The following MSH6 variants were observed in gnomAD, a reference collection of about 807,000 sequenced individuals.
The protein encoded by MSH6 is mutS homolog 6, also known as DNA mismatch repair protein Msh6.
MSH6 carries 85 observed loss-of-function variants against 119.1 expected under a neutral mutation model. That is an observed-to-expected ratio of 0.71 (90% CI 0.60 to 0.85). The LOEUF (loss-of-function observed/expected upper bound fraction) is 0.85, where lower values mean the gene tolerates loss of function less well. Among genes scored for constraint, MSH6 ranks in the 40% least tolerant of loss-of-function variants. The pLI is 0.00. For synonymous variants in MSH6, 830 were observed against 586.9 expected, an observed-to-expected ratio of 1.41 and a Z score of -5.99; for missense variants, 2,163 against 1,655.3, an observed-to-expected ratio of 1.31 and a Z score of -5.32.
At chr2:47,796,115 G>C (rs1177037015) in intron 3 of MSH6, 52 bp downstream of exon 3, 1 of 1,585,936 alleles carries the variant, frequency 6.3e-7, no homozygotes, top group Non-Finnish European at 8.7e-7. Context: ...GATGGGGGAA[G>C]AAAGGGGGAG....
intron 4 of MSH6, among the ~76,000 whole-genome samples, chr2:47,801,793 C>A (rs866455899): frequency 1.3e-5 from 2 of 151,978 alleles, no homozygotes; most frequent in Non-Finnish European, 2.9e-5. Flanking sequence ...TAAGCACCGG[C>A]GTGCCCTGCT....
downstream of MSH6, chr2:47,807,363 G>A (rs879655202): frequency 7.6e-5 from 16 of 210,782 alleles, no homozygotes; most frequent in Admixed American, 2.3e-4. Context: ...CCCTTCCTAG[G>A]AAGTCTCATT....
rs780345806 is a variant in MSH6, at chr2:47,803,504, C to T, written c.3257C>T (p.Pro1086Leu). The T allele has an allele frequency of 6.2e-6, 10 of 1,614,008 alleles. No individual in the cohort carries two copies. The Admixed American group carries it at 6.7e-5, about 11-fold the overall frequency. ...RPVILLPEDT[P>L]PFLELKGSRH... ...GTAATTCTGTTGCCGGAAGATACCC[C>T]CCCCTTCTTAGAGCTTAAAGGATCA... The change falls in exon 5 of 10, where the codon CCC becomes CTC. Residue 1086 changes from proline (P) to leucine (L), a missense_variant. By Grantham distance (98) the Pro-to-Leu change is moderately conservative. Transcript: ENST00000234420.
intron 5 of MSH6, among the ~76,000 whole-genome samples, chr2:47,803,887 T>A (rs2104490547): frequency 6.6e-6 from 1 of 152,292 alleles, no homozygotes; most frequent in South Asian, 2.1e-4. Flanking sequence ...GGGGAATATA[T>A]GTTAAAAAGG....
At position 47,797,216 on chromosome 2, in the gene MSH6, C is replaced by T. The variant is rs3136325; in HGVS notation, c.627+1153C>T. On this transcript the variant is annotated intron_variant, in intron 3 of 9. Transcript: ENST00000234420. ...CCCAGGGAAGCTGAAAGATCATTATCCTCTGATCTATCATATTAATGAGCT... is the reference window on the plus strand; with the variant it reads ...CCCAGGGAAGCTGAAAGATCATTATTCTCTGATCTATCATATTAATGAGCT... Among the ~76,000 whole-genome samples, 753 of 152,304 alleles carry T rather than the reference C, an allele frequency of 4.9e-3. 5 individuals are homozygous for T. Among genetic ancestry groups the T allele is most frequent in the African/African-American group, 0.017 (721 of 41,568 alleles).
chr2:47,790,851 G>T, intron 1 of MSH6, 76 bp from the exon 2 acceptor site: 1 of 1,318,878 alleles, frequency 7.6e-7, no homozygotes, highest in South Asian at 1.2e-5. Context: ...ACTTGGAATT[G>T]TTTATTTGTA....
At chr2:47,801,982 C>A (rs1669629289) in intron 4 of MSH6, among the ~76,000 whole-genome samples, 1 of 152,142 alleles carries the variant, frequency 6.6e-6, no homozygotes, top group South Asian at 2.1e-4. Context: ...ATGAGACAGG[C>A]TTTATTTTAG....
chr2:47,786,232 C>G (rs1668337954), intron 1 of MSH6, among the ~76,000 whole-genome samples: 1 of 152,052 alleles, frequency 6.6e-6, no homozygotes, highest in South Asian at 2.1e-4. Flanking sequence ...GAGGAGGGAG[C>G]ATTGGAGAAG....
chr2:47,787,398 T>G (rs1558648559), intron 1 of MSH6, among the ~76,000 whole-genome samples: 1 of 152,252 alleles, frequency 6.6e-6, no homozygotes, highest in South Asian at 2.1e-4. Context: ...TAATGTGATT[T>G]TAAACCAGAA....
At chr2:47,791,214 A>T in intron 2 of MSH6, 91 bp downstream of exon 2, 1 of 1,267,662 alleles carries the variant, frequency 7.9e-7, no homozygotes. Flanking sequence ...TTTCTATATG[A>T]TGAAATTAAG....
rs573638836 is a variant in MSH6 at position 47,798,829 on chromosome 2, G to C, written c.846G>C (p.Val282=). 46 of 1,614,160 alleles carry C rather than the reference G, an allele frequency of 2.8e-5. No individual in the cohort carries two copies. The South Asian group carries it at 4.7e-4, about 17-fold the overall frequency. Reference sequence around the variant, plus strand: ...GCAGTGATGAAATAAGCAGTGGAGTGGGGGATAGTGAGAGTGAAGGCCTGA... The same window carrying C: ...GCAGTGATGAAATAAGCAGTGGAGTCGGGGATAGTGAGAGTGAAGGCCTGA... ...EGSSDEISSG[V]GDSESEGLNS... Residue 282 remains valine, a synonymous_variant, in exon 4 of 10, where the codon GTG becomes GTC. Coordinates refer to ENST00000234420, the MANE Select transcript of MSH6 (RefSeq NM_000179.3).
chr2:47,797,053 A>G (rs950769802), intron 3 of MSH6, among the ~76,000 whole-genome samples: 9 of 152,204 alleles, frequency 5.9e-5, no homozygotes, highest in Non-Finnish European at 1.3e-4. Flanking sequence ...GTGGCCCAGG[A>G]TGGCGTTTAA....
At chr2:47,793,080 G>C (rs1316976125) in intron 2 of MSH6, among the ~76,000 whole-genome samples, 1 of 151,692 alleles carries the variant, frequency 6.6e-6, no homozygotes, top group African/African-American at 2.4e-5. Flanking sequence ...CAGCGCTTTG[G>C]AAGGCCAAGG....
At chr2:47,788,922 G>GTTTTTTT (rs1558650240) in intron 1 of MSH6, among the ~76,000 whole-genome samples, 427 of 40,928 alleles carry the variant, frequency 0.01, 36 homozygotes, top group Non-Finnish European at 0.014. Context: ...TTTTTTTTTT[G>GTTTTTTT]TTTTTTTTTT....
rs2103927242 is a variant in MSH6, at chr2:47,783,170, C to A, written c.-64C>A. The A allele has an allele frequency of 6.3e-7, 1 of 1,595,540 alleles. No individual in the cohort carries two copies. The highest frequency in any genetic ancestry group is 8.5e-7 in the Non-Finnish European group (1 of 1,171,962). ...AGATTTCCCGCCAGCAGGAGCCGCG[C>A]GGTAGATGCGGTGCTTTTAGGAGCT... is the stretch of plus-strand genomic sequence containing the variant. On this transcript the variant is annotated 5_prime_UTR_variant, in exon 1 of 10. Coordinates refer to ENST00000234420, the MANE Select transcript of MSH6 (RefSeq NM_000179.3).
rs142949377 is a variant in MSH6, at chr2:47,798,681, C to T, written c.698C>T (p.Pro233Leu). ...NEIESEEEVQ[P>L]KTQGSRRSSR... ...ATTGAGAGTGAAGAGGAAGTACAGC[C>T]TAAGACACAAGGATCTAGGCGAAGT... The change falls in exon 4 of 10, where the codon CCT becomes CTT. Residue 233 changes from proline (P) to leucine (L), a missense_variant. Pro to Leu is a moderately conservative substitution (Grantham distance 98, BLOSUM62 -3). Transcript: ENST00000234420. The T allele has an allele frequency of 1.2e-6, 2 of 1,613,840 alleles. No individual in the cohort carries two copies. Among genetic ancestry groups the T allele is most frequent in the Non-Finnish European group, 1.7e-6 (2 of 1,180,010 alleles).
At chr2:47,808,258 A>G (rs1670360101), downstream of MSH6, 1 of 1,612,854 alleles carries the variant, frequency 6.2e-7, no homozygotes, top group Non-Finnish European at 8.5e-7. Flanking sequence ...CTAAAGCAAA[A>G]TGAAACCCAA....
downstream of MSH6, chr2:47,809,279 A>G (rs1558400618): frequency 1.2e-5 from 17 of 1,470,774 alleles, no homozygotes; most frequent in Non-Finnish European, 1.6e-5. Flanking sequence ...GTAATAAAAG[A>G]AAGAATAAGT....
intron 2 of MSH6, among the ~76,000 whole-genome samples, chr2:47,793,671 G>A: frequency 6.6e-6 from 1 of 150,884 alleles, no homozygotes; most frequent in Non-Finnish European, 1.5e-5. Context: ...ATCTCTCATT[G>A]AACCAGATGA....
Sources: gnomAD v4.1 joint callset for allele counts (sites outside exome capture counted in the v4.1 genomes callset) on GRCh38, gnomAD v4.1.1 for gene constraint, MANE v1.5 for transcripts, NCBI Gene and HGNC (gene_info 2026-07-23, HGNC 2026-07-21) for gene names.